Variants in CCP110 observed in about 807,000 individuals in gnomAD.
CCP110 encodes the protein centriolar coiled-coil protein of 110 kDa.
A neutral mutation model predicts 105.5 loss-of-function variants in CCP110; 43 were observed. The ratio of observed to expected loss-of-function variants is 0.41; its 90% CI spans 0.32 to 0.53. The LOEUF is 0.53. Ranked by LOEUF, CCP110 falls within the 20% of genes least tolerant of loss-of-function variation. The probability of loss-of-function intolerance (pLI) is 0.32; values close to 1 mark genes in which losing one functional copy is unlikely to be tolerated. For missense variants in CCP110, 1,016 were observed against 1,189.1 expected (o/e 0.85, Z 2.14); for synonymous variants, 353 against 392.1 (o/e 0.90, Z 1.18).
At chr16:19,541,278 A>G (rs1161049075) in intron 5 of CCP110, among the ~76,000 whole-genome samples, 4 of 150,264 alleles carry the variant, frequency 2.7e-5, no homozygotes, top group Non-Finnish European at 5.9e-5. Flanking sequence ...AAAGAAAAAA[A>G]AAAAGAACGA....
rs1242381116 is a variant in CCP110 at position 19,540,796 on chromosome 16, T to C, written c.2049+9T>C. 1.2e-6 allele frequency: 2 copies of C among 1,611,066 alleles called. No homozygotes were observed. The highest frequency in any genetic ancestry group is 2.2e-5 in the East Asian group (1 of 44,808). On this transcript the variant is annotated intron_variant, in intron 5 of 14. Coordinates refer to ENST00000381396, the Ensembl canonical transcript of CCP110. The stretch of plus-strand genomic sequence containing the variant: ...AAGAAAGACTGCAAAAGGTGAGGAA[T>C]GTGGAGGGAGATACAACTGGTAAGT...
intron 3 of CCP110, 50 bp downstream of exon 3, chr16:19,532,594 C>A: frequency 1.4e-6 from 2 of 1,448,904 alleles, no homozygotes; most frequent in Non-Finnish European, 1.9e-6. Flanking sequence ...ATAAGATAAG[C>A]GTTGATGATA....
chr16:19,551,169 G>A, intron 14 of CCP110, 27 bp from the exon 14 acceptor site: 2 of 1,462,708 alleles, frequency 1.4e-6, no homozygotes, highest in Non-Finnish European at 9.6e-7. Flanking sequence ...CCATTGAGAA[G>A]TAATACTGGT....
intron 4 of CCP110, among the ~76,000 whole-genome samples, chr16:19,538,276 A>C (rs56262610): frequency 0.028 from 4,054 of 146,486 alleles, 76 homozygotes; most frequent in Non-Finnish European, 0.041. Context: ...TATTATTGAG[A>C]ATATTAATAA....
chr16:19,538,956 A>G (rs1396349766), intron 4 of CCP110, among the ~76,000 whole-genome samples: 1 of 151,950 alleles, frequency 6.6e-6, no homozygotes, highest in East Asian at 2.0e-4. Flanking sequence ...TACTAAAAAT[A>G]CAAAAATTAG....
chr16:19,535,985 G>A (rs748726525), exon 4 of CCP110: 1 of 1,612,608 alleles, frequency 6.2e-7, no homozygotes, highest in Non-Finnish European at 8.5e-7. Flanking sequence ...GTGGGAGATG[G>A]AAACAGTTTA....
chr16:19,541,678 GA>G (rs1970289427), intron 5 of CCP110, among the ~76,000 whole-genome samples: 1 of 97,224 alleles, frequency 1.0e-5, no homozygotes, highest in African/African-American at 3.6e-5. Flanking sequence ...GAGAGAGAGA[GA>G]GAGAAAGGAA....
chr16:19,544,034 C>T (rs1369564177), intron 8 of CCP110, among the ~76,000 whole-genome samples: 1 of 152,094 alleles, frequency 6.6e-6, no homozygotes. Flanking sequence ...TGTTCTTGCA[C>T]CCCCTCCCCT....
At chr16:19,549,864 T>A (rs1375950930) in intron 14 of CCP110, among the ~76,000 whole-genome samples, 2 of 152,262 alleles carry the variant, frequency 1.3e-5, no homozygotes, top group Non-Finnish European at 2.9e-5. Context: ...CTCCACTATT[T>A]GTCACTTGTG....
At chr16:19,541,551 G>A (rs963428207) in intron 5 of CCP110, among the ~76,000 whole-genome samples, 19 of 151,604 alleles carry the variant, frequency 1.3e-4, no homozygotes, top group East Asian at 1.2e-3. Flanking sequence ...ACTTGAACCC[G>A]CAAGGTGGAG....
intron 3 of CCP110, 130 bp downstream of exon 3, chr16:19,532,674 T>C (rs1969916506): frequency 5.7e-6 from 4 of 701,528 alleles, no homozygotes; most frequent in Non-Finnish European, 9.0e-6. Flanking sequence ...AGAAGCTTCA[T>C]AATTTGTGAT....
chr16:19,542,646 T>C (rs1970327569), exon 7 of CCP110: 3 of 1,612,380 alleles, frequency 1.9e-6, no homozygotes, highest in Non-Finnish European at 2.5e-6. Flanking sequence ...CCATGCAATA[T>C]AGCTTTGTTT....
intron 8 of CCP110, among the ~76,000 whole-genome samples, chr16:19,543,863 C>G (rs559526408): frequency 1.3e-5 from 2 of 152,108 alleles, no homozygotes; most frequent in African/African-American, 4.8e-5. Context: ...GCTCTCAAAC[C>G]CTGTTTCCTT....
intron 11 of CCP110, 173 bp downstream of exon 11, chr16:19,546,063 T>A (rs1332778375): frequency 7.2e-6 from 4 of 557,612 alleles, no homozygotes; most frequent in Non-Finnish European, 1.3e-5. Flanking sequence ...AAAATCTCAT[T>A]TCATCTTAGA....
At chr16:19,550,675 CTT>C (rs1388878726) in intron 14 of CCP110, among the ~76,000 whole-genome samples, 1 of 152,188 alleles carries the variant, frequency 6.6e-6, no homozygotes. Flanking sequence ...AGAAAACTAA[CTT>C]TTCTTATGAT....
In CCP110 at chr16:19,545,208, A is replaced by C. The variant is rs766764369; in HGVS notation, c.2701A>C (p.Met901Leu). The C allele has an allele frequency of 4.6e-6, 7 of 1,523,008 alleles. No homozygotes were observed. The East Asian group carries it at 1.6e-4, about 34-fold the overall frequency. The allele number at this position is 1,523,008 out of a possible 1,614,324, so 94.3% of individuals were successfully genotyped here. The change falls in exon 10 of 15, where the codon ATG becomes CTG. Residue 901 changes from methionine to leucine, a missense_variant and splice_region_variant. By Grantham distance (15) the Met-to-Leu change is conservative. Transcript: ENST00000381396. ...TCGCAAAGAGAAAATGCTCAGGCAAATGGTATGTTATATGATTTCTAATGA... is the reference window on the plus strand; with the variant it reads ...TCGCAAAGAGAAAATGCTCAGGCAACTGGTATGTTATATGATTTCTAATGA...
At chr16:19,537,146 A>G (rs1284563407) in exon 4 of CCP110, 1 of 1,614,114 alleles carries the variant, frequency 6.2e-7, no homozygotes, top group East Asian at 2.2e-5. Flanking sequence ...AGGCGCACAC[A>G]TAATGAACAG....
chr16:19,550,116 T>G (rs1408139351), intron 14 of CCP110, among the ~76,000 whole-genome samples: 1 of 152,052 alleles, frequency 6.6e-6, no homozygotes, highest in African/African-American at 2.4e-5. Context: ...TATACATGAG[T>G]GCATATTTAG....
chr16:19,529,516 CATT>C (rs1208759387), intron 2 of CCP110, among the ~76,000 whole-genome samples: 1 of 152,144 alleles, frequency 6.6e-6, no homozygotes, highest in Non-Finnish European at 1.5e-5. Flanking sequence ...TAATTTTTAA[CATT>C]GTTGTCATCT....
Sources: gnomAD v4.1 joint callset for allele counts (sites outside exome capture counted in the v4.1 genomes callset) on GRCh38, gnomAD v4.1.1 for gene constraint, MANE v1.5 for transcripts, NCBI Gene and HGNC (gene_info 2026-07-23, HGNC 2026-07-21) for gene names.